Variants in ANKS1B observed in about 807,000 individuals in gnomAD.
The protein encoded by ANKS1B is ankyrin repeat and sterile alpha motif domain containing 1B, also known as ankyrin repeat and sterile alpha motif domain-containing protein 1B.
ANKS1B carries 36 observed loss-of-function variants against 148.3 expected under a neutral mutation model. That is an observed-to-expected ratio of 0.24 (90% CI 0.19 to 0.32). The LOEUF (loss-of-function observed/expected upper bound fraction) is 0.32, where lower values mean the gene tolerates loss of function less well. Among genes scored for constraint, ANKS1B ranks in the 10% least tolerant of loss-of-function variants. The pLI, the probability that ANKS1B is intolerant of heterozygous loss-of-function variation, is 1.00. For synonymous variants in ANKS1B, 542 were observed against 560.8 expected (o/e 0.97, Z 0.47); for missense variants, 1,157 against 1,542.6 (o/e 0.75, Z 4.19).
intron 24 of ANKS1B, among the ~76,000 whole-genome samples, chr12:98,779,572 G>T (rs2098714042): frequency 6.6e-6 from 1 of 152,078 alleles, no homozygotes; most frequent in Admixed American, 6.6e-5. Flanking sequence ...GCATAAATGG[G>T]ATAGAGGGAG....
intron 10 of ANKS1B, among the ~76,000 whole-genome samples, chr12:99,475,291 T>TA (rs1183789195): frequency 6.6e-6 from 1 of 150,826 alleles, no homozygotes. Flanking sequence ...AGTTTTAAAG[T>TA]AAAATATATT....
intron 9 of ANKS1B, among the ~76,000 whole-genome samples, chr12:99,622,952 G>A (rs577108365): frequency 6.6e-6 from 1 of 151,432 alleles, no homozygotes; most frequent in South Asian, 2.1e-4. Context: ...TAACATAAAA[G>A]TAAAAACTAC....
intron 1 of ANKS1B, among the ~76,000 whole-genome samples, chr12:99,920,156 G>A (rs1203323392): frequency 6.6e-6 from 1 of 151,968 alleles, no homozygotes; most frequent in Non-Finnish European, 1.5e-5. Flanking sequence ...CCTGTATGAG[G>A]GCCCCACTAT....
intron 17 of ANKS1B, among the ~76,000 whole-genome samples, chr12:99,032,614 T>C (rs2099952940): frequency 6.6e-6 from 1 of 152,218 alleles, no homozygotes; most frequent in East Asian, 1.9e-4. Context: ...ATTAGATTTA[T>C]AAACACTCCT....
intron 9 of ANKS1B, among the ~76,000 whole-genome samples, chr12:99,630,210 T>C (rs2098144014): frequency 6.6e-6 from 1 of 152,100 alleles, no homozygotes; most frequent in African/African-American, 2.4e-5. Context: ...TAGCCAGGAT[T>C]CAAATCAGAA....
At position 98,744,244 on chromosome 12, in the gene ANKS1B, A is replaced by G; in HGVS notation, c.*1495T>C. 1 of 957,358 alleles carries G rather than the reference A, an allele frequency of 1.0e-6. No individual in the cohort carries two copies. Among genetic ancestry groups the G allele is most frequent in the South Asian group, 4.8e-5 (1 of 20,692 alleles). 59.3% of individuals were successfully genotyped at this position (957,358 alleles called of 1,614,324 possible). ...AGTTCAAGTAATTTAATATTGTATT[A>G]AAATTCTTCAACACTGAACTAAAAC... On this transcript the variant is annotated 3_prime_UTR_variant, in exon 27 of 27. Coordinates refer to ENST00000683438, the MANE Select transcript of ANKS1B (RefSeq NM_001352186.2).
At chr12:98,898,552 A>C (rs1459408972) in intron 17 of ANKS1B, among the ~76,000 whole-genome samples, 4 of 152,158 alleles carry the variant, frequency 2.6e-5, no homozygotes, top group African/African-American at 9.7e-5. Context: ...GCAGGCGTAA[A>C]ACCATGAATT....
intron 4 of ANKS1B, among the ~76,000 whole-genome samples, chr12:99,801,480 G>A (rs971170960): frequency 6.6e-6 from 1 of 152,152 alleles, no homozygotes; most frequent in Non-Finnish European, 1.5e-5. Flanking sequence ...CTAAAAGTAT[G>A]TCAGTCATTA....
intron 14 of ANKS1B, among the ~76,000 whole-genome samples, chr12:99,167,566 T>C (rs2077312180): frequency 6.6e-6 from 1 of 152,174 alleles, no homozygotes; most frequent in African/African-American, 2.4e-5. Context: ...TGCCAAATGA[T>C]GCGAATTAAG....
At chr12:99,114,423 GC>G (rs2060908743) in intron 15 of ANKS1B, among the ~76,000 whole-genome samples, 1 of 152,154 alleles carries the variant, frequency 6.6e-6, no homozygotes, top group African/African-American at 2.4e-5. Context: ...TGCAAACTAT[GC>G]ATCTGACAGA....
At chr12:99,755,428 C>A (rs1254112955) in intron 8 of ANKS1B, among the ~76,000 whole-genome samples, 1 of 151,844 alleles carries the variant, frequency 6.6e-6, no homozygotes, top group Non-Finnish European at 1.5e-5. Flanking sequence ...AAAGAAGAAC[C>A]AGTACCATTC....
Position 99,801,987 on chromosome 12 carries a change from GT to G in ANKS1B, c.669+4416del, listed in dbSNP as rs149157903. 4.9e-3 allele frequency among the ~76,000 whole-genome samples: 746 copies of G among 152,246 alleles called. 7 individuals are homozygous for G. The highest frequency in any genetic ancestry group is 0.017 in the African/African-American group (701 of 41,554). ...AGAGAGGGATGATAGAGAAGGAGGTGTTGAAGTTTTGGAATAGAGATGTCGT... is the reference window on the plus strand; with the variant it reads ...AGAGAGGGATGATAGAGAAGGAGGTGTGAAGTTTTGGAATAGAGATGTCGT... On this transcript the variant is annotated intron_variant, in intron 4 of 26. Coordinates refer to ENST00000683438, the MANE Select transcript of ANKS1B (RefSeq NM_001352186.2).
At chr12:99,178,341 A>G (rs1008297444) in intron 14 of ANKS1B, among the ~76,000 whole-genome samples, 1 of 152,208 alleles carries the variant, frequency 6.6e-6, no homozygotes, top group Non-Finnish European at 1.5e-5. Flanking sequence ...TAAGCAAAAA[A>G]TCCACAATGG....
At chr12:99,221,794 C>T (rs1234057459) in intron 14 of ANKS1B, among the ~76,000 whole-genome samples, 2 of 152,068 alleles carry the variant, frequency 1.3e-5, no homozygotes, top group Non-Finnish European at 2.9e-5. Context: ...TACAAACATC[C>T]CTGAACCAGC....
At chr12:99,140,559 G>A (rs534471111) in intron 15 of ANKS1B, among the ~76,000 whole-genome samples, 1 of 152,240 alleles carries the variant, frequency 6.6e-6, no homozygotes, top group African/African-American at 2.4e-5. Context: ...CCTACTGAAA[G>A]CACAGAGCTG....
At chr12:99,312,099 G>A (rs60690235) in intron 12 of ANKS1B, among the ~76,000 whole-genome samples, 22,947 of 152,118 alleles carry the variant, frequency 0.15, 1,977 homozygotes, top group African/African-American at 0.24. Flanking sequence ...ACAGTTTGTA[G>A]GCAGAAAGCT....
chr12:98,825,438 T>G (rs916231092), intron 19 of ANKS1B, among the ~76,000 whole-genome samples: 1 of 152,036 alleles, frequency 6.6e-6, no homozygotes, highest in Non-Finnish European at 1.5e-5. Flanking sequence ...GTAATACTGC[T>G]TTTTTTTAAA....
chr12:98,787,902 A>ACACTC (rs1199837235), intron 22 of ANKS1B, among the ~76,000 whole-genome samples: 1 of 151,058 alleles, frequency 6.6e-6, no homozygotes, highest in African/African-American at 2.4e-5. Flanking sequence ...CCTGGGTGAC[A>ACACTC]GAGCGAGACT....
At chr12:99,528,659 T>C (rs928185121) in intron 9 of ANKS1B, among the ~76,000 whole-genome samples, 3 of 152,176 alleles carry the variant, frequency 2.0e-5, no homozygotes, top group African/African-American at 7.2e-5. Context: ...AAGCACTTAG[T>C]CTAGTGTCTA....
Sources: allele counts gnomAD v4.1 joint callset (sites outside exome capture counted in the v4.1 genomes callset), GRCh38; gene constraint gnomAD v4.1.1; transcripts MANE v1.5; gene names NCBI Gene and HGNC (gene_info 2026-07-23, HGNC 2026-07-21).